TMPRSS15: variants seen among roughly 807,000 people sequenced by gnomAD.
TMPRSS15 encodes transmembrane serine protease 15, also known as enteropeptidase.
A neutral mutation model predicts 125.3 loss-of-function variants in TMPRSS15; 128 were observed. The ratio of observed to expected loss-of-function variants is 1.02; its 90% CI spans 0.89 to 1.18. The LOEUF is 1.18. Among genes scored for constraint, TMPRSS15 ranks in the 50% most tolerant of loss-of-function variants. The probability of loss-of-function intolerance (pLI) is 0.00; values close to 1 mark genes in which losing one functional copy is unlikely to be tolerated. For synonymous variants in TMPRSS15, 446 were observed against 423.2 expected (o/e 1.05, Z -0.66); for missense variants, 1,283 against 1,212.7 (o/e 1.06, Z -0.86).
At chr21:18,420,374 G>A (rs1433164562) in intron 1 of TMPRSS15, among the ~76,000 whole-genome samples, 2 of 152,118 alleles carry the variant, frequency 1.3e-5, no homozygotes, top group East Asian at 3.9e-4. Flanking sequence ...GGCAGTTTGT[G>A]GTTGAATAGA....
intron 16 of TMPRSS15, among the ~76,000 whole-genome samples, chr21:18,325,426 C>T (rs564712714): frequency 3.3e-5 from 5 of 152,170 alleles, no homozygotes. Context: ...AAGATTAAGG[C>T]AGGCAGCTTT....
At chr21:18,285,738 C>G (rs2074754702) in intron 21 of TMPRSS15, among the ~76,000 whole-genome samples, 1 of 152,118 alleles carries the variant, frequency 6.6e-6, no homozygotes, top group Admixed American at 6.5e-5. Context: ...CAAGGTGACT[C>G]TCATATAATG....
At chr21:18,352,572 C>T (rs2075580746) in intron 10 of TMPRSS15, among the ~76,000 whole-genome samples, 1 of 152,070 alleles carries the variant, frequency 6.6e-6, no homozygotes, top group South Asian at 2.1e-4. Flanking sequence ...ATAGACCAAA[C>T]TTCAGAAAAG....
intron 1 of TMPRSS15, among the ~76,000 whole-genome samples, chr21:18,433,326 G>T (rs1400071064): frequency 2.0e-5 from 3 of 152,122 alleles, no homozygotes; most frequent in African/African-American, 7.2e-5. Flanking sequence ...TGCAACTCTT[G>T]TGTTGAAAAT....
At chr21:18,357,508 C>A (rs1306242984) in intron 8 of TMPRSS15, among the ~76,000 whole-genome samples, 1 of 151,628 alleles carries the variant, frequency 6.6e-6, no homozygotes, top group Non-Finnish European at 1.5e-5. Flanking sequence ...ATCCCACTTA[C>A]CCTAAGTAAA....
chr21:18,291,109 T>C (rs1601281844), intron 21 of TMPRSS15, among the ~76,000 whole-genome samples: 1 of 152,230 alleles, frequency 6.6e-6, no homozygotes, highest in East Asian at 1.9e-4. Context: ...TGAATCGCAG[T>C]AGGCAAAAGC....
intron 1 of TMPRSS15, among the ~76,000 whole-genome samples, chr21:18,476,287 T>G (rs2123287839): frequency 6.6e-6 from 1 of 152,242 alleles, no homozygotes; most frequent in African/African-American, 2.4e-5. Context: ...AAAGATACAT[T>G]TACTCCAATT....
At chr21:18,371,490 G>A (rs897183287) in intron 6 of TMPRSS15, among the ~76,000 whole-genome samples, 4 of 152,086 alleles carry the variant, frequency 2.6e-5, no homozygotes, top group South Asian at 4.1e-4. Context: ...GAGTAAATAC[G>A]TTTAAATCAA....
At chr21:18,285,261 T>C (rs148658532) in intron 21 of TMPRSS15, among the ~76,000 whole-genome samples, 1,901 of 152,288 alleles carry the variant, frequency 0.012, 21 homozygotes, top group Middle Eastern at 0.041. Context: ...TATGTGGCAA[T>C]GTGCTGATGT....
intron 1 of TMPRSS15, among the ~76,000 whole-genome samples, chr21:18,403,183 A>G (rs2076112673): frequency 1.3e-5 from 2 of 152,176 alleles, no homozygotes. Context: ...TGAAACCAAG[A>G]TACTTATTTA....
chr21:18,470,120 G>T (rs897278271), intron 1 of TMPRSS15, among the ~76,000 whole-genome samples: 1 of 151,950 alleles, frequency 6.6e-6, no homozygotes. Context: ...CAGGAATACT[G>T]GAGCAAGTCA....
intron 3 of TMPRSS15, among the ~76,000 whole-genome samples, chr21:18,396,845 T>TCTATCTAA (rs1475160532): frequency 6.8e-6 from 1 of 147,136 alleles, no homozygotes; most frequent in Non-Finnish European, 1.5e-5. Flanking sequence ...TATCTATCTA[T>TCTATCTAA]CTATCTTAAG....
chr21:18,424,567 A>C (rs1397695257), intron 1 of TMPRSS15, among the ~76,000 whole-genome samples: 1 of 152,224 alleles, frequency 6.6e-6, no homozygotes, highest in African/African-American at 2.4e-5. Flanking sequence ...TGCTTAAAAT[A>C]AGAAGCAAAA....
At chr21:18,398,812 G>T (rs2076066942) in intron 1 of TMPRSS15, among the ~76,000 whole-genome samples, 1 of 151,976 alleles carries the variant, frequency 6.6e-6, no homozygotes, top group African/African-American at 2.4e-5. Context: ...CAGTGTTTTG[G>T]TTACTTTGAA....
At chr21:18,398,158 A>C (rs1272240032) in intron 2 of TMPRSS15, 41 bp downstream of exon 2, 19 of 1,611,080 alleles carry the variant, frequency 1.2e-5, no homozygotes, top group Non-Finnish European at 1.6e-5. Context: ...CAAGTAGTTA[A>C]ACTGTGTTAT....
intron 13 of TMPRSS15, among the ~76,000 whole-genome samples, chr21:18,336,003 T>A (rs1163787385): frequency 6.6e-6 from 1 of 151,844 alleles, no homozygotes; most frequent in Non-Finnish European, 1.5e-5. Flanking sequence ...TTTCTTACTA[T>A]GCCAATAGGG....
rs1360247414 is a variant in TMPRSS15 at position 18,313,038 on chromosome 21, A to G, written c.2072T>C (p.Val691Ala). ...CCATATGCTCTGGATTCTGAACCGC[A>G]CTAAACCATTGTTGTTCGTTGTGCC... Reference protein sequence around the residue: ...FNGTTNNNGLVRFRIQSIWHT... With the variant: ...FNGTTNNNGLARFRIQSIWHT... The change falls in exon 18 of 25, where the codon GTG becomes GCG. Residue 691 changes from valine to alanine, a missense_variant. Coordinates refer to ENST00000284885, the MANE Select transcript of TMPRSS15 (RefSeq NM_002772.3). 6.2e-7 allele frequency: 1 copy of G among 1,613,914 alleles called. No homozygotes were observed. Among genetic ancestry groups the G allele is most frequent in the African/African-American group, 1.3e-5 (1 of 74,906 alleles).
intron 10 of TMPRSS15, among the ~76,000 whole-genome samples, chr21:18,345,995 G>C (rs1042522887): frequency 4.0e-5 from 6 of 151,736 alleles, no homozygotes; most frequent in Non-Finnish European, 7.4e-5. Context: ...TTTTGTCAGT[G>C]ATCAAGTAAA....
At position 18,273,875 on chromosome 21, in the gene TMPRSS15, T is replaced by G. The variant is rs573512432; in HGVS notation, c.2904+1322A>C. On this transcript the variant is annotated intron_variant, in intron 24 of 24. Coordinates refer to ENST00000284885, the MANE Select transcript of TMPRSS15 (RefSeq NM_002772.3). ...ATAAATGTAAAACTAAGCTGGAAGT[T>G]TAACACAACTGAAGATATTGATTTA... is the stretch of plus-strand genomic sequence containing the variant. 1.1e-3 allele frequency among the ~76,000 whole-genome samples: 174 copies of G among 152,358 alleles called. 1 individual carries two copies. Among genetic ancestry groups the G allele is most frequent in the African/African-American group, 4.0e-3 (167 of 41,580 alleles).
Sources: allele counts gnomAD v4.1 joint callset (sites outside exome capture counted in the v4.1 genomes callset), GRCh38; gene constraint gnomAD v4.1.1; transcripts MANE v1.5; gene names NCBI Gene and HGNC (gene_info 2026-07-23, HGNC 2026-07-21).